LARP4B: variants seen among roughly 807,000 people sequenced by gnomAD.
LARP4B encodes the protein la-related protein 4B.
Under a neutral mutation model 89.8 loss-of-function variants are expected in LARP4B, and 12 were observed. The observed-to-expected ratio is 0.13, with a 90% CI of 0.09 to 0.22. The LOEUF is 0.22. LARP4B is among the 10% of genes least tolerant of loss of function. LARP4B has a pLI of 1.00. For synonymous variants in LARP4B, 367 were observed against 363.3 expected, an observed-to-expected ratio of 1.01 and a Z score of -0.12; for missense variants, 757 against 947.7, an observed-to-expected ratio of 0.80 and a Z score of 2.64.
chr10:829,445 C>T lies in LARP4B; in HGVS notation c.1065G>A (p.Leu355=), dbSNP rs1389178995. The change falls in exon 11 of 18, where the codon CTG becomes CTA. Residue 355 remains leucine (L), a synonymous_variant. Transcript: ENST00000316157. Reference sequence around the variant, plus strand: ...ACGTCTGGGGAGTGATCAGGCTGTACAGGGGGAACTGCTGCTGGGGGCTGT... The same window carrying T: ...ACGTCTGGGGAGTGATCAGGCTGTATAGGGGGAACTGCTGCTGGGGGCTGT... The part of the protein sequence containing the change: ...PMYSPQQQFP[L]YSLITPQTWS... The T allele has an allele frequency of 6.2e-7, 1 of 1,614,042 alleles. No individual in the cohort carries two copies. Among genetic ancestry groups the T allele is most frequent in the Admixed American group, 1.7e-5 (1 of 60,014 alleles).
intron 8 of LARP4B, among the ~76,000 whole-genome samples, chr10:832,205 G>A (rs1028830006): frequency 2.6e-5 from 4 of 152,100 alleles, no homozygotes; most frequent in Non-Finnish European, 5.9e-5. Context: ...CACCGCGCCC[G>A]GCTAATTTTT....
At chr10:901,410 C>T (rs1210606913) in intron 1 of LARP4B, among the ~76,000 whole-genome samples, 2 of 152,160 alleles carry the variant, frequency 1.3e-5, no homozygotes, top group African/African-American at 4.8e-5. Flanking sequence ...TTTTATCTTA[C>T]AATAGAATAA....
At chr10:844,383 T>C (rs1833674580) in intron 6 of LARP4B, among the ~76,000 whole-genome samples, 1 of 152,186 alleles carries the variant, frequency 6.6e-6, no homozygotes, top group South Asian at 2.1e-4. Context: ...CCCCACAGGC[T>C]TCAAGGAGCC....
chr10:944,689 G>A, the LARP4B span, among the ~76,000 whole-genome samples: 5 of 152,246 alleles, frequency 3.3e-5, no homozygotes, highest in African/African-American at 1.2e-4. Flanking sequence ...CTGCCTTGGT[G>A]TCTGCCCGTG....
At chr10:838,661 TG>T (rs1833360181) in intron 7 of LARP4B, among the ~76,000 whole-genome samples, 1 of 152,120 alleles carries the variant, frequency 6.6e-6, no homozygotes, top group Non-Finnish European at 1.5e-5. Flanking sequence ...TCACTGCCGA[TG>T]GGAATGCAAA....
chr10:910,433 A>C (rs1242953783), intron 1 of LARP4B, among the ~76,000 whole-genome samples: 9 of 152,170 alleles, frequency 5.9e-5, no homozygotes, highest in Non-Finnish European at 1.3e-4. Context: ...TTTTTCTGAG[A>C]GTGGCGCTGG....
chr10:934,828 C>T (rs1194756929), upstream of LARP4B, among the ~76,000 whole-genome samples: 1 of 152,194 alleles, frequency 6.6e-6, no homozygotes, highest in Non-Finnish European at 1.5e-5. Context: ...TTCTCCCCGT[C>T]CCCCCAGTGG....
chr10:824,093 T>C (rs767137813), intron 13 of LARP4B, among the ~76,000 whole-genome samples: 5 of 152,208 alleles, frequency 3.3e-5, no homozygotes, highest in Non-Finnish European at 7.4e-5. Flanking sequence ...ACATTGTATA[T>C]AGAACACCCT....
chr10:926,908 C>T (rs532021823), intron 1 of LARP4B, among the ~76,000 whole-genome samples: 1 of 152,188 alleles, frequency 6.6e-6, no homozygotes, highest in Non-Finnish European at 1.5e-5. Flanking sequence ...TGGTGGCACG[C>T]ACCTGTATGT....
chr10:826,860 A>G (rs1474129579), intron 11 of LARP4B, among the ~76,000 whole-genome samples: 1 of 152,244 alleles, frequency 6.6e-6, no homozygotes, highest in Non-Finnish European at 1.5e-5. Flanking sequence ...TAACTGGAAG[A>G]TATAACAGAA....
rs936469411 is a variant in LARP4B at position 831,545 on chromosome 10, A to G, written c.751-568T>C. 3.9e-5 allele frequency among the ~76,000 whole-genome samples: 6 copies of G among 152,322 alleles called. No individual in the cohort carries two copies. The East Asian group carries it at 1.2e-3, about 29-fold the overall frequency. On this transcript the variant is annotated intron_variant, in intron 8 of 17. Coordinates refer to ENST00000316157, the MANE Select transcript of LARP4B (RefSeq NM_015155.3). ...TGCAGATGGCCTTCCCCACATCTTC[A>G]GCCTGGGAAACAACCGCCTGAGGGA...
At chr10:984,482 C>T in the LARP4B span, among the ~76,000 whole-genome samples, 6 of 152,138 alleles carry the variant, frequency 3.9e-5, no homozygotes, top group African/African-American at 7.2e-5. Flanking sequence ...TAGAATGACT[C>T]GTACTCAACC....
intron 5 of LARP4B, among the ~76,000 whole-genome samples, chr10:862,256 TAAAAAA>T (rs10661482): frequency 5.9e-5 from 5 of 84,396 alleles, no homozygotes; most frequent in Admixed American, 1.4e-4. Flanking sequence ...CCACTGAAGT[TAAAAAA>T]AAAAAAAAAA....
chr10:977,575 T>G, the LARP4B span, among the ~76,000 whole-genome samples: 13 of 150,880 alleles, frequency 8.6e-5, no homozygotes, highest in Non-Finnish European at 5.9e-5. Context: ...GAGAGAGAGA[T>G]CCTCCCGCTT....
chr10:898,098 G>C (rs986891726), intron 1 of LARP4B, among the ~76,000 whole-genome samples: 1 of 150,842 alleles, frequency 6.6e-6, no homozygotes, highest in African/African-American at 2.4e-5. Flanking sequence ...CACATCATTC[G>C]TCATGAGGGA....
chr10:896,060 A>G (rs1248585934), intron 1 of LARP4B, among the ~76,000 whole-genome samples: 1 of 152,178 alleles, frequency 6.6e-6, no homozygotes, highest in Non-Finnish European at 1.5e-5. Flanking sequence ...CATGCAGGAG[A>G]AGCATCTAAG....
chr10:838,163 A>G (rs142748421), intron 7 of LARP4B, among the ~76,000 whole-genome samples: 85 of 152,344 alleles, frequency 5.6e-4, no homozygotes, highest in African/African-American at 1.6e-3. Context: ...TCATGGACCT[A>G]AGTGTAAAAT....
chr10:910,187 CATT>C (rs1459315064), intron 1 of LARP4B, among the ~76,000 whole-genome samples: 1 of 152,204 alleles, frequency 6.6e-6, no homozygotes, highest in East Asian at 1.9e-4. Context: ...TTTTGATGTA[CATT>C]TTTTGTAAAC....
intron 13 of LARP4B, among the ~76,000 whole-genome samples, chr10:821,596 AATG>A (rs2131621529): frequency 6.6e-6 from 1 of 152,276 alleles, no homozygotes; most frequent in South Asian, 2.1e-4. Flanking sequence ...CATTCATCTC[AATG>A]GATAATTTAA....
Sources: gnomAD v4.1 joint callset for allele counts (sites outside exome capture counted in the v4.1 genomes callset) on GRCh38, gnomAD v4.1.1 for gene constraint, MANE v1.5 for transcripts, NCBI Gene and HGNC (gene_info 2026-07-23, HGNC 2026-07-21) for gene names.